Variants in RPGR observed in about 807,000 individuals in gnomAD.
The protein encoded by RPGR is retinitis pigmentosa GTPase regulator, also known as X-linked retinitis pigmentosa GTPase regulator.
In RPGR, 10 loss-of-function variants were observed where a neutral mutation model predicts 56.3. The ratio of observed to expected loss-of-function variants is 0.18; its 90% CI spans 0.11 to 0.30. RPGR has a LOEUF of 0.30. RPGR is among the 10% of genes least tolerant of loss of function. The probability of loss-of-function intolerance (pLI) is 1.00; values close to 1 mark genes in which losing one functional copy is unlikely to be tolerated. For synonymous variants in RPGR, 197 were observed against 212.9 expected, an observed-to-expected ratio of 0.93 and a Z score of 0.65; for missense variants, 538 against 590.9, an observed-to-expected ratio of 0.91 and a Z score of 0.93.
intron 7 of RPGR, among the ~76,000 whole-genome samples, chrX:38,309,633 G>T (rs1399548246): frequency 8.9e-6 from 1 of 112,236 alleles, no homozygotes; most frequent in African/African-American, 3.2e-5. Flanking sequence ...TTTGAGACCA[G>T]CCTTGCCAAC....
intron 11 of RPGR, among the ~76,000 whole-genome samples, chrX:38,295,070 C>T (rs1478347390): frequency 8.9e-6 from 1 of 112,105 alleles, no homozygotes; most frequent in African/African-American, 3.2e-5. Context: ...ATTCATATCA[C>T]GTAGGTCTCT....
At chrX:38,316,801 G>A (rs2067835665) in intron 6 of RPGR, among the ~76,000 whole-genome samples, 1 of 111,350 alleles carries the variant, frequency 9.0e-6, no homozygotes, top group Non-Finnish European at 1.9e-5. Context: ...GTGGTATATG[G>A]AATAAAGAGT....
intron 8 of RPGR, chrX:38,302,564 C>T (rs2067520954): frequency 9.0e-6 from 1 of 110,790 alleles, no homozygotes; most frequent in Admixed American, 9.7e-5. Context: ...ATCTTAAGGA[C>T]ATTTAGAAGG....
intron 13 of RPGR, among the ~76,000 whole-genome samples, chrX:38,290,088 C>T (rs776261108): frequency 1.8e-5 from 2 of 112,284 alleles, no homozygotes; most frequent in Non-Finnish European, 3.8e-5. Flanking sequence ...ATAGATAGAA[C>T]GAATGAGGAC....
chrX:38,324,103 A>C (rs1189300726), intron 1 of RPGR, among the ~76,000 whole-genome samples: 1 of 111,614 alleles, frequency 9.0e-6, no homozygotes, highest in Admixed American at 9.5e-5. Context: ...ATTTTTGTTG[A>C]GACAGGGTCT....
At chrX:38,318,365 CA>C (rs2067865662) in intron 5 of RPGR, among the ~76,000 whole-genome samples, 1 of 108,945 alleles carries the variant, frequency 9.2e-6, no homozygotes, top group African/African-American at 3.3e-5. Context: ...ATCTTGGCTC[CA>C]AATTTTAAAG....
intron 7 of RPGR, among the ~76,000 whole-genome samples, chrX:38,309,809 C>T (rs1432870229): frequency 9.1e-6 from 1 of 110,193 alleles, no homozygotes; most frequent in Non-Finnish European, 1.9e-5. Context: ...GCCTACATGA[C>T]AAGAGCGAAA....
At chrX:38,288,339 G>C (rs987520820) in intron 13 of RPGR, among the ~76,000 whole-genome samples, 1 of 111,818 alleles carries the variant, frequency 8.9e-6, no homozygotes, top group South Asian at 3.7e-4. Flanking sequence ...TTTACTCTCT[G>C]CCTCTTTTCT....
At chrX:38,304,915 AC>A (rs1268590126) in intron 7 of RPGR, 125 bp from the exon 8 acceptor site, 8 of 565,028 alleles carry the variant, frequency 1.4e-5, no homozygotes, top group Non-Finnish European at 6.0e-6. Context: ...GGAAAAAAAA[AC>A]ATTTAAGAAT....
At chrX:38,298,331 G>A (rs1355460784) in intron 10 of RPGR, 1 of 312,883 alleles carries the variant, frequency 3.2e-6, no homozygotes, top group Admixed American at 3.5e-5. Flanking sequence ...AACACAGAAG[G>A]AAAATCTCTA....
rs2067448647 is a variant in RPGR at position 38,298,991 on chromosome X, T to G, written c.1210A>C (p.Arg404=). 1.7e-6 allele frequency: 2 copies of G among 1,212,078 alleles called. No homozygotes were observed. The highest frequency in any genetic ancestry group is 3.5e-5 in the African/African-American group (2 of 57,896). Residue 404 remains arginine, a synonymous_variant, in exon 10 of 19, where the codon AGG becomes CGG. Coordinates refer to ENST00000642395, the MANE Select transcript of RPGR (RefSeq NM_000328.3). ...CGCCGCATACGTGCTGATAGAGTCC[T>G]CTGCAGTACATTTCCTGAGGTTAAA... is the stretch of plus-strand genomic sequence containing the variant.
chrX:38,304,902 TG>T lies in RPGR; in HGVS notation c.779-113del, dbSNP rs2067567846. The T allele has an allele frequency of 4.7e-6, 3 of 639,896 alleles. No homozygotes were observed. The East Asian group carries it at 1.1e-4, about 23-fold the overall frequency. The allele number at this position is 639,896 out of a possible 1,213,427, so 52.7% of individuals were successfully genotyped here. A position where few individuals can be genotyped will look rare whatever the true frequency, so the allele number is the denominator to read the frequency against. The stretch of plus-strand genomic sequence containing the variant: ...TTTTATAGTGAAGGTTAAGTGCCTC[TG>T]GGGAAAAAAAAACATTTAAGAATAC... On this transcript the variant is annotated intron_variant, in intron 7 of 18. Transcript: ENST00000642395.
chrX:38,307,148 C>A (rs776903555), intron 7 of RPGR, among the ~76,000 whole-genome samples: 17 of 111,646 alleles, frequency 1.5e-4, no homozygotes, highest in Non-Finnish European at 2.4e-4. Context: ...GCCTCAGGAC[C>A]CAGACTTCAT....
intron 7 of RPGR, 156 bp from the exon 8 acceptor site, chrX:38,304,946 ATCTT>A: frequency 4.1e-6 from 2 of 484,791 alleles, no homozygotes; most frequent in South Asian, 6.3e-5. Context: ...TGAAGTATAA[ATCTT>A]TCAATGATGA....
At chrX:38,295,970 T>C (rs994782060) in intron 11 of RPGR, 1 of 112,249 alleles carries the variant, frequency 8.9e-6, no homozygotes, top group Non-Finnish European at 1.9e-5. Flanking sequence ...AAAAGAAATA[T>C]GTTTTGAAAC....
intron 15 of RPGR, chrX:38,285,346 T>A (rs1288156059): frequency 9.3e-7 from 1 of 1,073,334 alleles, no homozygotes; most frequent in Non-Finnish European, 1.2e-6. Context: ...AAATTTTAGT[T>A]TGAGAGAGGC....
At chrX:38,297,153 T>C in intron 11 of RPGR, 131 bp downstream of exon 11, 2 of 676,464 alleles carry the variant, frequency 3.0e-6, no homozygotes, top group South Asian at 4.9e-5. Flanking sequence ...TGAGTTCAAA[T>C]GAGTGATGTT....
In RPGR at chrX:38,282,798, GC is replaced by G. The variant is rs1286046271; in HGVS notation, c.1905+4295del. 2.9e-3 allele frequency among the ~76,000 whole-genome samples: 324 copies of G among 111,165 alleles called. 3 individuals are homozygous for G. In the East Asian group the frequency reaches 0.033, roughly 11 times the overall value. ...CTGTTCAGCAGCAGCAGCAGCAGCA[GC>G]AGCAGCAGTTTCTGTGGTAGGTAAT... On this transcript the variant is annotated intron_variant, in intron 15 of 18. Transcript: ENST00000642395.
chrX:38,306,165 T>A (rs142996295), intron 7 of RPGR, among the ~76,000 whole-genome samples: 2 of 111,916 alleles, frequency 1.8e-5, no homozygotes, highest in African/African-American at 6.5e-5. Flanking sequence ...ACTTTGAGTT[T>A]AGTACATTGA....
Sources: gnomAD v4.1 joint callset for allele counts (sites outside exome capture counted in the v4.1 genomes callset) on GRCh38, gnomAD v4.1.1 for gene constraint, MANE v1.5 for transcripts, NCBI Gene and HGNC (gene_info 2026-07-23, HGNC 2026-07-21) for gene names.